The following RNF40 variants were observed in gnomAD, a reference collection of about 807,000 sequenced individuals.
RNF40 encodes ring finger protein 40, also known as E3 ubiquitin-protein ligase BRE1B.
RNF40 carries 39 observed loss-of-function variants against 123.3 expected under a neutral mutation model. The observed-to-expected ratio is 0.32, with a 90% CI of 0.24 to 0.41. The LOEUF (loss-of-function observed/expected upper bound fraction) is 0.41. Ranked by LOEUF, RNF40 falls within the 10% of genes least tolerant of loss-of-function variation. The probability of loss-of-function intolerance (pLI) is 1.00; values close to 1 mark genes in which losing one functional copy is unlikely to be tolerated. For missense variants in RNF40, 1,003 were observed against 1,319.9 expected, an observed-to-expected ratio of 0.76 and a Z score of 3.72; for synonymous variants, 538 against 526.0, an observed-to-expected ratio of 1.02 and a Z score of -0.31.
Position 30,768,304 on chromosome 16 carries a change from T to C in RNF40, c.1753T>C (p.Ser585Pro), listed in dbSNP as rs1567285613. ...TSVKKEELVP[S>P]EEDFQGITPG... ...AGTGAAGAAGGAGGAGCTGGTCCCC[T>C]CTGAAGAGGACTTCCAGGGTATAAC... Residue 585 changes from serine (S) to proline (P), a missense_variant, in exon 13 of 20, where the codon TCT (serine) becomes CCT (proline). This residue lies in a region of RNF40 where 295 missense variants were observed against 331.7 expected (regional missense o/e 0.89). Transcript: ENST00000324685. This position sits in a 1 kb window ranked among gnomAD's most constrained non-coding sequence, Gnocchi z 4.1. 6 of 1,613,736 alleles carry C rather than the reference T, an allele frequency of 3.7e-6. No homozygotes were observed. The highest frequency in any genetic ancestry group is 5.1e-6 in the Non-Finnish European group (6 of 1,179,962).
Position 30,762,593 on chromosome 16 carries a change from G to T in RNF40, c.48G>T (p.Gly16=), listed in dbSNP as rs761109188. 3.1e-6 allele frequency: 5 copies of T among 1,607,376 alleles called. No homozygotes were observed. The highest frequency in any genetic ancestry group is 1.7e-5 in the Admixed American group (1 of 58,988). The change falls in exon 2 of 20, where the codon GGG becomes GGT. Residue 16 remains glycine (G), a synonymous_variant. Transcript: ENST00000324685. ...NKRAAGDGGS[G]PPEKKLSREE... ...GCGCCGCCGGCGACGGGGGCTCAGG[G>T]CCCCCGGAAAAGAAGCTGAGTCGTG... is the stretch of plus-strand genomic sequence containing the variant.
chr16:30,766,712 G>T lies in RNF40; in HGVS notation c.1294-29G>T, dbSNP rs775057926. ...AGTCCTGAGGTGGGACCGAGGGGCT[G>T]TGTGGGTCCTTAACACATCAACCCA... On this transcript the variant is annotated intron_variant, in intron 10 of 19. Coordinates refer to ENST00000324685, the MANE Select transcript of RNF40 (RefSeq NM_014771.4). The surrounding 1 kb of genome is among the most constrained non-coding windows in gnomAD (Gnocchi z 5.4). 5 of 1,613,536 alleles carry T rather than the reference G, an allele frequency of 3.1e-6. No individual in the cohort carries two copies. The South Asian group carries it at 5.5e-5, about 18-fold the overall frequency.
chr16:30,763,860 T>G lies in RNF40; in HGVS notation c.442+301T>G, dbSNP rs766704949. Among the ~76,000 whole-genome samples, 5 of 152,292 alleles carry G rather than the reference T, an allele frequency of 3.3e-5. No homozygotes were observed. In the East Asian group the frequency reaches 9.6e-4, roughly 29 times the overall value. ...TTGCACTTGCTATAAGGGAGGAAATTATAAACATAGTAAGCAGAAAGTACT... is the reference window on the plus strand; with the variant it reads ...TTGCACTTGCTATAAGGGAGGAAATGATAAACATAGTAAGCAGAAAGTACT... On this transcript the variant is annotated intron_variant, in intron 4 of 19. Coordinates refer to ENST00000324685, the MANE Select transcript of RNF40 (RefSeq NM_014771.4).
chr16:30,763,020 C>G, intron 2 of RNF40, 98 bp from the exon 3 acceptor site: 4 of 1,322,026 alleles, frequency 3.0e-6, no homozygotes, highest in Non-Finnish European at 4.3e-6. Context: ...ACCTCCATCT[C>G]CCATGCATTG....
chr16:30,765,049 T>A lies in RNF40; in HGVS notation c.761T>A (p.Ile254Asn). Residue 254 changes from isoleucine (I) to asparagine (N), a missense_variant, in exon 6 of 20, where the codon ATC (isoleucine) becomes AAC (asparagine). Ile to Asn is a moderately radical substitution (Grantham distance 149). This residue lies in a region of RNF40 where 274 missense variants were observed against 356.9 expected (regional missense o/e 0.77). Transcript: ENST00000324685. ...CAGCTGCAGGAGAAACACCACCGCATCTCATTGGAGGTGAGGAGCCGGGGG... is the reference window on the plus strand; with the variant it reads ...CAGCTGCAGGAGAAACACCACCGCAACTCATTGGAGGTGAGGAGCCGGGGG... The part of the protein sequence containing the change: ...ATQLQEKHHR[I>N]SLEYSELQDK... 6.2e-7 allele frequency: 1 copy of A among 1,614,006 alleles called. No individual in the cohort carries two copies. The highest frequency in any genetic ancestry group is 8.5e-7 in the Non-Finnish European group (1 of 1,179,996).
intron 17 of RNF40, 124 bp downstream of exon 17, chr16:30,769,724 A>G (rs559442679): frequency 9.4e-7 from 1 of 1,066,282 alleles, no homozygotes; most frequent in Non-Finnish European, 1.3e-6. Flanking sequence ...AACAGCTCAC[A>G]CATATTGAAC....
chr16:30,762,348 G>T lies in RNF40; in HGVS notation c.-84G>T, dbSNP rs573409329. 1.8e-6 allele frequency: 1 copy of T among 553,612 alleles called. No homozygotes were observed. Among genetic ancestry groups the T allele is most frequent in the Non-Finnish European group, 3.0e-6 (1 of 328,346 alleles). The allele number at this position is 553,612 out of a possible 1,614,324, so 34.3% of individuals were successfully genotyped here. Reference sequence around the variant, plus strand: ...AAATCCAAGATGGCGGCGCTAGGCTGACCCTCCTGCTGGTGAGGGCTCTGG... The same window carrying T: ...AAATCCAAGATGGCGGCGCTAGGCTTACCCTCCTGCTGGTGAGGGCTCTGG... On this transcript the variant is annotated 5_prime_UTR_variant, in exon 1 of 20. The change abolishes the stop of an existing upstream ORF in the 5' untranslated region. Coordinates refer to ENST00000324685, the MANE Select transcript of RNF40 (RefSeq NM_014771.4).
rs948754570 is a variant in RNF40, at chr16:30,764,523, G to A, written c.649+138G>A. On this transcript the variant is annotated intron_variant, in intron 5 of 19. Coordinates refer to ENST00000324685, the MANE Select transcript of RNF40 (RefSeq NM_014771.4). The stretch of plus-strand genomic sequence containing the variant: ...GAATAAATCAGCCATGTTCTTGGAA[G>A]AGGTAGGTTAGGCTGTAGATGGGGG... The A allele has an allele frequency of 1.4e-5, 11 of 761,290 alleles. No homozygotes were observed. The African/African-American group carries it at 1.8e-4, about 12-fold the overall frequency. The allele number at this position is 761,290 out of a possible 1,614,324, so 47.2% of individuals were successfully genotyped here. A position where few individuals can be genotyped will look rare whatever the true frequency, so the allele number is the denominator to read the frequency against.
chr16:30,773,166 G>A (rs563690904), intron 19 of RNF40, among the ~76,000 whole-genome samples: 21 of 152,280 alleles, frequency 1.4e-4, no homozygotes, highest in African/African-American at 4.8e-4. Context: ...ACAGGCTTGG[G>A]GAATGTCAGT....
rs752718826 is a variant in RNF40 at position 30,768,430 on chromosome 16, G to A, written c.1879G>A (p.Val627Ile). The change falls in exon 13 of 20, where the codon GTA becomes ATA. Residue 627 changes from valine to isoleucine, a missense_variant. By Grantham distance (29) the Val-to-Ile change is conservative. Transcript: ENST00000324685. This position sits in a 1 kb window ranked among gnomAD's most constrained non-coding sequence, Gnocchi z 4.1. ...AGGTCCCAGCCTAGGACCTCCACCT[G>A]TAGCCTCCGCTCTCTCAAGGGCTGA... ...REGPSLGPPPVASALSRADRE... is the reference protein window; with the variant it reads ...REGPSLGPPPIASALSRADRE... The A allele has an allele frequency of 2.3e-5, 37 of 1,613,512 alleles. No homozygotes were observed. The highest frequency in any genetic ancestry group is 4.5e-5 in the East Asian group (2 of 44,872).
rs1275333881 is a variant in RNF40 at position 30,769,218 on chromosome 16, G to A, written c.2280G>A (p.Val760=). ...EEEALLSEMD[V]TGQAFEDMQE... ...AGGCTCTGCTCTCAGAGATGGATGT[G>A]ACAGGTCAGGCTTTTGAGGACATGC... Residue 760 remains valine (V), a synonymous_variant, in exon 16 of 20, where the codon GTG becomes GTA. Transcript: ENST00000324685. The A allele has an allele frequency of 6.2e-7, 1 of 1,614,256 alleles. No individual in the cohort carries two copies. The highest frequency in any genetic ancestry group is 1.3e-5 in the African/African-American group (1 of 75,072).
At chr16:30,772,285 T>A (rs1246304885) in intron 19 of RNF40, 95 bp downstream of exon 19, 4 of 1,003,042 alleles carry the variant, frequency 4.0e-6, no homozygotes, top group Non-Finnish European at 6.2e-6. Context: ...CTGGAAGTAA[T>A]GTAGGGCAGC....
In RNF40 at chr16:30,762,618, G is replaced by T; in HGVS notation, c.73G>T (p.Glu25Ter). 1 of 1,611,784 alleles carries T rather than the reference G, an allele frequency of 6.2e-7. No homozygotes were observed. Residue 25 changes from glutamate (E) to a stop codon, truncating the protein, a stop_gained, in exon 2 of 20, where the codon GAG becomes TAG. Coordinates refer to ENST00000324685, the MANE Select transcript of RNF40 (RefSeq NM_014771.4). LOFTEE classifies it high-confidence loss of function. ...SGPPEKKLSR[E>*]EKTTTTLIEP... ...GCCCCCGGAAAAGAAGCTGAGTCGT[G>T]AGGAGAAGACCACCACGACTCTTAT...
In RNF40 at chr16:30,764,963, G is replaced by A. The variant is rs1041350232; in HGVS notation, c.675G>A (p.Ala225=). 8 of 1,612,502 alleles carry A rather than the reference G, an allele frequency of 5.0e-6. No homozygotes were observed. In the Admixed American group the frequency reaches 8.3e-5, roughly 17 times the overall value. Residue 225 remains alanine, a synonymous_variant, in exon 6 of 20, where the codon GCG becomes GCA. Transcript: ENST00000324685. ...SRGDSEPLSE[A]AQAHTRELGR... is the part of the protein sequence containing the mutation. ...GGGACAGTGAGCCCCTCAGTGAGGC[G>A]GCTCAGGCACACACCCGAGAGCTGG...
At position 30,772,106 on chromosome 16, in the gene RNF40, G is replaced by A. The variant is rs2054158713; in HGVS notation, c.2745G>A (p.Leu915=). 1 of 1,559,324 alleles carries A rather than the reference G, an allele frequency of 6.4e-7. No homozygotes were observed. The highest frequency in any genetic ancestry group is 8.7e-7 in the Non-Finnish European group (1 of 1,151,434). The stretch of plus-strand genomic sequence containing the variant: ...TGCCCCAGGAGGACATCTCACGGCT[G>A]CGGCGCAAGCTGGAAAAGCAGAGGA... ...LKRAQEDISR[L]RRKLEKQRKV... The change falls in exon 19 of 20, where the codon CTG becomes CTA. Residue 915 remains leucine, a synonymous_variant. Coordinates refer to ENST00000324685, the MANE Select transcript of RNF40 (RefSeq NM_014771.4).
chr16:30,773,687 T>C, intron 19 of RNF40: 2 of 387,178 alleles, frequency 5.2e-6, no homozygotes, highest in East Asian at 4.0e-5. Flanking sequence ...GTCCTTGTCC[T>C]TTTGAGGGGA....
chr16:30,769,162 C>G (rs746605827), intron 15 of RNF40, 24 bp from the exon 16 acceptor site: 3 of 1,612,950 alleles, frequency 1.9e-6, no homozygotes, highest in South Asian at 2.2e-5. Flanking sequence ...CACGTTCCAT[C>G]TTGTCTCTGC....
upstream of RNF40, chr16:30,761,628 GC>G (rs1271628134): frequency 2.6e-6 from 4 of 1,536,102 alleles, no homozygotes; most frequent in Non-Finnish European, 3.5e-6. Flanking sequence ...GCACGCGTCC[GC>G]GCGGCCGACC....
At chr16:30,765,664 C>T (rs2054014648) in intron 8 of RNF40, among the ~76,000 whole-genome samples, 165 bp downstream of exon 8, 1 of 152,190 alleles carries the variant, frequency 6.6e-6, no homozygotes, top group Non-Finnish European at 1.5e-5. Flanking sequence ...GATTTTTGAA[C>T]ACTTAGTGCT....
Sources: gnomAD v4.1 joint callset for allele counts (sites outside exome capture counted in the v4.1 genomes callset) on GRCh38, gnomAD v4.1.1 for gene constraint, gnomAD v4.1.1 regional missense constraint, Gnocchi (gnomAD v3.1) non-coding constraint, MANE v1.5 for transcripts, NCBI Gene and HGNC (gene_info 2026-07-23, HGNC 2026-07-21) for gene names.